The following ATP2B4 variants were observed in gnomAD, a reference collection of about 807,000 sequenced individuals.
ATP2B4 encodes ATPase plasma membrane Ca2+ transporting 4.
A neutral mutation model predicts 110.3 loss-of-function variants in ATP2B4; 39 were observed. That is an observed-to-expected ratio of 0.35 (90% CI 0.27 to 0.46). The LOEUF (loss-of-function observed/expected upper bound fraction) is 0.46, where lower values mean the gene tolerates loss of function less well. Among genes scored for constraint, ATP2B4 ranks in the 20% least tolerant of loss-of-function variants. The pLI is 1.00. For missense variants in ATP2B4, 1,135 were observed against 1,530.9 expected, an observed-to-expected ratio of 0.74 and a Z score of 4.32; for synonymous variants, 538 against 571.7, an observed-to-expected ratio of 0.94 and a Z score of 0.84.
At chr1:203,707,792 TG>T in intron 9 of ATP2B4, 69 bp from the exon 10 acceptor site, 1 of 1,576,322 alleles carries the variant, frequency 6.3e-7, no homozygotes, top group South Asian at 1.1e-5. Flanking sequence ...GGCTAGGAAA[TG>T]GCCTTTGACC....
intron 1 of ATP2B4, among the ~76,000 whole-genome samples, chr1:203,650,457 T>C (rs1169515571): frequency 6.6e-6 from 1 of 152,190 alleles, no homozygotes; most frequent in East Asian, 1.9e-4. Context: ...GAGCAATCGC[T>C]GCTGCCCAGG....
At chr1:203,689,045 C>A (rs528072491) in intron 2 of ATP2B4, among the ~76,000 whole-genome samples, 1 of 152,132 alleles carries the variant, frequency 6.6e-6, no homozygotes, top group African/African-American at 2.4e-5. Context: ...TCTCTTCTTT[C>A]CCTGTCCCAT....
intron 20 of ATP2B4, chr1:203,733,192 C>T (rs764022734): frequency 6.3e-7 from 1 of 1,593,118 alleles, no homozygotes; most frequent in Admixed American, 1.7e-5. Context: ...GACTGTGGAG[C>T]AAAGCTGTCT....
At chr1:203,685,955 G>C (rs1007196304) in intron 2 of ATP2B4, among the ~76,000 whole-genome samples, 14 of 151,464 alleles carry the variant, frequency 9.2e-5, no homozygotes. Context: ...AGAGGTTACT[G>C]TGTGTGTAAC....
At chr1:203,734,145 C>CA (rs1261071633) in intron 20 of ATP2B4, among the ~76,000 whole-genome samples, 3 of 151,678 alleles carry the variant, frequency 2.0e-5, no homozygotes, top group South Asian at 4.2e-4. Context: ...ACTAAAAATA[C>CA]AAAAAATTAG....
chr1:203,653,985 A>ATATATATATATTTT (rs1426863910), intron 1 of ATP2B4, among the ~76,000 whole-genome samples: 2 of 112,442 alleles, frequency 1.8e-5, no homozygotes, highest in African/African-American at 7.8e-5. Context: ...ATATATATAT[A>ATATATATATATTTT]TTTTTTTTTT....
rs775795625 is a variant in ATP2B4, at chr1:203,707,242, T to C, written c.1314+19T>C. ...TGTGAAGGTGAGACTAGAACAATCC[T>C]ATCTCTTCCTTTAGGATAGAGATGG... On this transcript the variant is annotated intron_variant, in intron 9 of 20. Coordinates refer to ENST00000357681, the MANE Select transcript of ATP2B4 (RefSeq NM_001684.5). 3.8e-6 allele frequency: 6 copies of C among 1,594,274 alleles called. No individual in the cohort carries two copies. Among genetic ancestry groups the C allele is most frequent in the Non-Finnish European group, 5.2e-6 (6 of 1,164,266 alleles).
In ATP2B4 at chr1:203,739,813, C is replaced by G. The variant is rs376771228; in HGVS notation, c.3577C>G (p.Gln1193Glu). 4.3e-5 allele frequency: 69 copies of G among 1,614,120 alleles called. No individual in the cohort carries two copies. In the African/African-American group the frequency reaches 4.5e-4, roughly 11 times the overall value. The change falls in exon 21 of 21, where the codon CAG becomes GAG. Residue 1193 changes from glutamine to glutamate, a missense_variant. By Grantham distance (29) the Gln-to-Glu change is conservative. This residue lies in a region of ATP2B4 where 92 missense variants were observed against 82.5 expected (regional missense o/e 1.11). Coordinates refer to ENST00000357681, the MANE Select transcript of ATP2B4 (RefSeq NM_001684.5). ...AVDCNQVQLP[Q>E]SDSSLQSLET... Reference sequence around the variant, plus strand: ...GGATTGCAACCAAGTGCAGCTCCCCCAGTCGGACAGCTCTCTACAGAGCCT... The same window carrying G: ...GGATTGCAACCAAGTGCAGCTCCCCGAGTCGGACAGCTCTCTACAGAGCCT...
intron 2 of ATP2B4, among the ~76,000 whole-genome samples, chr1:203,684,844 T>C (rs1665133472): frequency 6.6e-6 from 1 of 152,102 alleles, no homozygotes; most frequent in South Asian, 2.1e-4. Flanking sequence ...TTTTTGTTTG[T>C]TTTGTTTTTT....
chr1:203,732,590 A>G (rs1666761560), intron 20 of ATP2B4, among the ~76,000 whole-genome samples: 1 of 152,158 alleles, frequency 6.6e-6, no homozygotes, highest in Non-Finnish European at 1.5e-5. Flanking sequence ...ATTTAAACAC[A>G]TGAGTTATTT....
intron 1 of ATP2B4, among the ~76,000 whole-genome samples, chr1:203,640,745 G>A (rs1037318422): frequency 6.6e-5 from 10 of 152,170 alleles, no homozygotes; most frequent in Non-Finnish European, 5.9e-5. Context: ...GAACAGTGAG[G>A]TCGATATTAG....
chr1:203,673,054 G>T (rs915439273), intron 1 of ATP2B4, among the ~76,000 whole-genome samples: 11 of 152,302 alleles, frequency 7.2e-5, no homozygotes, highest in Non-Finnish European at 1.5e-4. Context: ...AAGAGTGAAG[G>T]AGACACATGG....
intron 2 of ATP2B4, among the ~76,000 whole-genome samples, chr1:203,686,839 G>A (rs1274989782): frequency 2.0e-5 from 3 of 150,984 alleles, no homozygotes; most frequent in Non-Finnish European, 4.4e-5. Context: ...GATTACAGGT[G>A]CACGCCACCA....
At position 203,743,924 on chromosome 1, in the gene ATP2B4, A is replaced by G. The variant is rs1344536479; in HGVS notation, c.*4070A>G. 1.3e-5 allele frequency: 2 copies of G among 152,636 alleles called. No homozygotes were observed. Among genetic ancestry groups the G allele is most frequent in the Non-Finnish European group, 2.9e-5 (2 of 68,042 alleles). The allele number at this position is 152,636 out of a possible 1,614,324, so 9.5% of individuals were successfully genotyped here. On this transcript the variant is annotated 3_prime_UTR_variant, in exon 21 of 21. Transcript: ENST00000357681. The stretch of plus-strand genomic sequence containing the variant: ...TTCTTAGGGAAAAAAAATGCTATAA[A>G]CTGCAAATCTGAAATTCAAATGTGT...
At chr1:203,633,628 G>T (rs969424173) in intron 1 of ATP2B4, among the ~76,000 whole-genome samples, 5 of 151,840 alleles carry the variant, frequency 3.3e-5, no homozygotes, top group Non-Finnish European at 4.4e-5. Flanking sequence ...GCCGGAAATC[G>T]ATTGAACTCA....
Position 203,642,588 on chromosome 1 carries a change from G to A in ATP2B4, c.-465+15369G>A, listed in dbSNP as rs145065737. Among the ~76,000 whole-genome samples, 498 of 152,334 alleles carry A rather than the reference G, an allele frequency of 3.3e-3. 2 individuals carry two copies. Among genetic ancestry groups the A allele is most frequent in the Middle Eastern group, 0.01 (3 of 294 alleles). On this transcript the variant is annotated intron_variant, in intron 1 of 20. Transcript: ENST00000357681. ...AAACAGGATGCTGAAGTCTTATATTGATATAGCAAAGAATGCTAATTTCCA... is the reference window on the plus strand; with the variant it reads ...AAACAGGATGCTGAAGTCTTATATTAATATAGCAAAGAATGCTAATTTCCA...
intron 15 of ATP2B4, among the ~76,000 whole-genome samples, 165 bp from the exon 16 acceptor site, chr1:203,720,384 C>A (rs1384866616): frequency 6.6e-6 from 1 of 152,124 alleles, no homozygotes; most frequent in African/African-American, 2.4e-5. Context: ...AGGCCGCAGC[C>A]CTCCTTTCTC....
At chr1:203,668,697 A>C (rs1385420998) in intron 1 of ATP2B4, among the ~76,000 whole-genome samples, 1 of 152,208 alleles carries the variant, frequency 6.6e-6, no homozygotes, top group Non-Finnish European at 1.5e-5. Flanking sequence ...TGGCTGTGGC[A>C]GCCCCACAAG....
chr1:203,694,308 G>A (rs947257575), intron 2 of ATP2B4, among the ~76,000 whole-genome samples: 2 of 152,186 alleles, frequency 1.3e-5, no homozygotes, highest in African/African-American at 4.8e-5. Flanking sequence ...AAATGAATGT[G>A]TCCTATTATA....
Sources: allele counts gnomAD v4.1 joint callset (sites outside exome capture counted in the v4.1 genomes callset), GRCh38; gene constraint gnomAD v4.1.1; regional missense constraint gnomAD v4.1.1; transcripts MANE v1.5; gene names NCBI Gene and HGNC (gene_info 2026-07-23, HGNC 2026-07-21).